The following COL5A2 variants were observed in gnomAD, a reference collection of about 807,000 sequenced individuals.
COL5A2 encodes the protein collagen alpha-2(V) chain.
A neutral mutation model predicts 208.2 loss-of-function variants in COL5A2; 23 were observed. The observed-to-expected ratio is 0.11, with a 90% CI of 0.08 to 0.16. The LOEUF (loss-of-function observed/expected upper bound fraction) is 0.16, where lower values mean the gene tolerates loss of function less well. Ranked by LOEUF, COL5A2 falls within the 10% of genes least tolerant of loss-of-function variation. The probability of loss-of-function intolerance (pLI) is 1.00; values close to 1 mark genes in which losing one functional copy is unlikely to be tolerated. For missense variants in COL5A2, 1,590 were observed against 1,956.4 expected (o/e 0.81, Z 3.53); for synonymous variants, 625 against 628.5 (o/e 0.99, Z 0.08).
the COL5A2 span, among the ~76,000 whole-genome samples, chr2:189,343,845 C>T: frequency 1.3e-5 from 2 of 152,110 alleles, no homozygotes; most frequent in African/African-American, 2.4e-5. Context: ...GTTTTATAAC[C>T]TTCTGTGCCA....
At chr2:189,239,811 G>A in the COL5A2 span, among the ~76,000 whole-genome samples, 5 of 151,752 alleles carry the variant, frequency 3.3e-5, no homozygotes, top group South Asian at 1.0e-3. Context: ...GACAGAAGAG[G>A]GGGCCACAAG....
chr2:189,300,594 G>C, the COL5A2 span, among the ~76,000 whole-genome samples: 7 of 152,208 alleles, frequency 4.6e-5, no homozygotes, highest in African/African-American at 1.7e-4. Context: ...CCTGAGGGAG[G>C]AGAAATAGAC....
At chr2:189,071,264 G>T (rs928480564) in intron 18 of COL5A2, among the ~76,000 whole-genome samples, 1 of 152,158 alleles carries the variant, frequency 6.6e-6, no homozygotes, top group Admixed American at 6.5e-5. Context: ...GCATAATCTT[G>T]TGCATAATCT....
At chr2:189,389,091 T>C in the COL5A2 span, among the ~76,000 whole-genome samples, 1 of 152,180 alleles carries the variant, frequency 6.6e-6, no homozygotes, top group Non-Finnish European at 1.5e-5. Flanking sequence ...TTTTTTTTGA[T>C]AGCCAATTTT....
chr2:189,322,689 C>T, the COL5A2 span, among the ~76,000 whole-genome samples: 1 of 152,238 alleles, frequency 6.6e-6, no homozygotes, highest in African/African-American at 2.4e-5. Flanking sequence ...CAATTAATAG[C>T]TTAGCAACCA....
chr2:189,348,808 GC>G, the COL5A2 span, among the ~76,000 whole-genome samples: 1 of 152,102 alleles, frequency 6.6e-6, no homozygotes, highest in African/African-American at 2.4e-5. Flanking sequence ...AATGTGAGCA[GC>G]TGCATGCACA....
At chr2:189,282,599 A>T in the COL5A2 span, among the ~76,000 whole-genome samples, 1 of 152,208 alleles carries the variant, frequency 6.6e-6, no homozygotes, top group Non-Finnish European at 1.5e-5. Flanking sequence ...GGACACACTA[A>T]CACTAAGAAA....
chr2:189,355,618 T>G, the COL5A2 span, among the ~76,000 whole-genome samples: 1 of 152,192 alleles, frequency 6.6e-6, no homozygotes, highest in African/African-American at 2.4e-5. Flanking sequence ...CTTTTCTTGG[T>G]TTCCATTTGC....
At chr2:189,395,075 C>T in the COL5A2 span, among the ~76,000 whole-genome samples, 1,043 of 152,164 alleles carry the variant, frequency 6.9e-3, 10 homozygotes, top group Non-Finnish European at 9.3e-3. Flanking sequence ...ACTATAAGCA[C>T]CTAAAAACAT....
chr2:189,046,563 T>C (rs570252604), intron 45 of COL5A2, among the ~76,000 whole-genome samples: 100 of 152,272 alleles, frequency 6.6e-4, no homozygotes, highest in African/African-American at 2.2e-3. Context: ...TTTTATTTTA[T>C]CCAGATGACA....
At chr2:189,282,212 A>G in the COL5A2 span, among the ~76,000 whole-genome samples, 1 of 151,918 alleles carries the variant, frequency 6.6e-6, no homozygotes, top group Non-Finnish European at 1.5e-5. Context: ...ATATATATAT[A>G]TCCATTATTA....
chr2:189,147,851 G>C lies in COL5A2; in HGVS notation c.97+31657C>G, dbSNP rs573106115. Among the ~76,000 whole-genome samples, 3 of 152,234 alleles carry C rather than the reference G, an allele frequency of 2.0e-5. No homozygotes were observed. The South Asian group carries it at 6.2e-4, about 32-fold the overall frequency. ...GCAAAGTCCCAAGGGTAAGGAAGTAGGTGGAGAAGGAGGAAGAGAAGCTTT... is the reference window on the plus strand; with the variant it reads ...GCAAAGTCCCAAGGGTAAGGAAGTACGTGGAGAAGGAGGAAGAGAAGCTTT... On this transcript the variant is annotated intron_variant, in intron 1 of 53. Coordinates refer to ENST00000374866, the MANE Select transcript of COL5A2 (RefSeq NM_000393.5).
At chr2:189,307,050 A>G in the COL5A2 span, among the ~76,000 whole-genome samples, 1 of 152,348 alleles carries the variant, frequency 6.6e-6, no homozygotes, top group East Asian at 1.9e-4. Context: ...AATACAAATT[A>G]CTGGAAAAAA....
the COL5A2 span, among the ~76,000 whole-genome samples, chr2:189,421,561 A>G: frequency 6.6e-6 from 1 of 152,034 alleles, no homozygotes; most frequent in Non-Finnish European, 1.5e-5. Context: ...TAAGCAAAGG[A>G]ATTTGCCATG....
the COL5A2 span, among the ~76,000 whole-genome samples, chr2:189,436,587 C>T: frequency 2.0e-5 from 3 of 151,936 alleles, no homozygotes; most frequent in Non-Finnish European, 2.9e-5. Flanking sequence ...ATACTGAAGA[C>T]GTGGAATCAA....
At chr2:189,341,848 T>C in the COL5A2 span, among the ~76,000 whole-genome samples, 1 of 152,152 alleles carries the variant, frequency 6.6e-6, no homozygotes, top group Non-Finnish European at 1.5e-5. Flanking sequence ...TAAACACAAC[T>C]AAAATAATTT....
At position 189,041,780 on chromosome 2, in the gene COL5A2, G is replaced by A. The variant is rs1490993500; in HGVS notation, c.3526-87C>T. On this transcript the variant is annotated intron_variant, in intron 49 of 53. Coordinates refer to ENST00000374866, the MANE Select transcript of COL5A2 (RefSeq NM_000393.5). ...CTAATCAAAGAACTATTTTACATAT[G>A]GAGCTGTAACAGTGATTTCTAAGAT... 5 of 815,648 alleles carry A rather than the reference G, an allele frequency of 6.1e-6. No homozygotes were observed. In the East Asian group the frequency reaches 1.0e-4, roughly 17 times the overall value. The allele number at this position is 815,648 out of a possible 1,614,324, so 50.5% of individuals were successfully genotyped here. A position where few individuals can be genotyped will look rare whatever the true frequency, so the allele number is the denominator to read the frequency against.
intron 1 of COL5A2, among the ~76,000 whole-genome samples, chr2:189,170,127 C>A (rs1436808839): frequency 1.3e-5 from 2 of 152,200 alleles, no homozygotes; most frequent in East Asian, 3.9e-4. Flanking sequence ...AGATAGTATT[C>A]ATCATAATTA....
the COL5A2 span, among the ~76,000 whole-genome samples, chr2:189,271,723 A>G: frequency 6.6e-6 from 1 of 152,184 alleles, no homozygotes; most frequent in Non-Finnish European, 1.5e-5. Context: ...TGAACAGGCA[A>G]CCTACAGAAT....
Sources: allele counts gnomAD v4.1 joint callset (sites outside exome capture counted in the v4.1 genomes callset), GRCh38; gene constraint gnomAD v4.1.1; transcripts MANE v1.5; gene names NCBI Gene and HGNC (gene_info 2026-07-23, HGNC 2026-07-21).